The following PKD1L1 variants were observed in gnomAD, a reference collection of about 807,000 sequenced individuals.
PKD1L1 encodes polycystin 1 like 1, transient receptor potential channel interacting.
Under a neutral mutation model 323.4 loss-of-function variants are expected in PKD1L1, and 236 were observed. The ratio of observed to expected loss-of-function variants is 0.73; its 90% CI spans 0.66 to 0.81. The LOEUF is 0.81. Among genes scored for constraint, PKD1L1 ranks in the 40% least tolerant of loss-of-function variants. The pLI is 0.00. For synonymous variants in PKD1L1, 1,344 were observed against 1,335.0 expected, an observed-to-expected ratio of 1.01 and a Z score of -0.15; for missense variants, 3,320 against 3,508.0, an observed-to-expected ratio of 0.95 and a Z score of 1.35.
rs112184294 is a variant in PKD1L1, at chr7:47,893,388, G to A, written c.2453+490C>T. The stretch of plus-strand genomic sequence containing the variant: ...CGCCGGGACTCACAGCCCAGAGTCC[G>A]GAGAATGGTCTAAACAGAGAATTCC... On this transcript the variant is annotated intron_variant, in intron 15 of 56. Coordinates refer to ENST00000289672, the MANE Select transcript of PKD1L1 (RefSeq NM_138295.5). Among the ~76,000 whole-genome samples the A allele has an allele frequency of 4.6e-5, 7 of 152,248 alleles. 1 individual carries two copies. The highest frequency in any genetic ancestry group is 1.7e-4 in the African/African-American group (7 of 41,560).
At chr7:47,960,405 G>GA in the PKD1L1 span, among the ~76,000 whole-genome samples, 11 of 108,366 alleles carry the variant, frequency 1.0e-4, 1 homozygote, top group African/African-American at 2.1e-4. Context: ...CTGTAAAAAA[G>GA]AAAAAAAAAG....
chr7:47,911,005 C>A (rs553151362), intron 8 of PKD1L1, among the ~76,000 whole-genome samples: 30 of 151,672 alleles, frequency 2.0e-4, no homozygotes, highest in Non-Finnish European at 3.8e-4. Context: ...TTAGACTTAA[C>A]CCCTGATAAA....
chr7:47,819,634 T>A, intron 46 of PKD1L1: 1 of 1,217,288 alleles, frequency 8.2e-7, no homozygotes, highest in Non-Finnish European at 1.1e-6. Flanking sequence ...ACTATTACAA[T>A]GCTCAGCAGA....
In PKD1L1 at chr7:47,839,633, T is replaced by A; in HGVS notation, c.5582A>T (p.Lys1861Met). 6.3e-7 allele frequency: 1 copy of A among 1,577,832 alleles called. No homozygotes were observed. The highest frequency in any genetic ancestry group is 1.7e-4 in the Middle Eastern group (1 of 6,026). Residue 1861 changes from lysine (K) to methionine (M), a missense_variant, in exon 36 of 57, where the codon AAG becomes ATG. Physicochemically the swap from Lys to Met is moderately conservative, Grantham distance 95 (BLOSUM62 -1). Coordinates refer to ENST00000289672, the MANE Select transcript of PKD1L1 (RefSeq NM_138295.5). The surrounding 1 kb of genome is among the most constrained non-coding windows in gnomAD (Gnocchi z 4.3). ...ACGGCTGTCGTGCCAGAGGCGGATC[T>A]TCCTCAGCAGGCCCAGTTGGGCAGG... ...SAPAQLGLLR[K>M]IRLWHDSRGP...
chr7:47,919,128 A>G (rs141966998), intron 7 of PKD1L1, among the ~76,000 whole-genome samples: 618 of 152,316 alleles, frequency 4.1e-3, no homozygotes, highest in African/African-American at 0.014. Flanking sequence ...ACCATTAGCA[A>G]GATTAACCAA....
At chr7:47,858,395 T>C (rs1378076743) in intron 27 of PKD1L1, among the ~76,000 whole-genome samples, 1 of 152,178 alleles carries the variant, frequency 6.6e-6, no homozygotes, top group Admixed American at 6.5e-5. Context: ...AAATAATGTT[T>C]CTGAGTCAAA....
intron 2 of PKD1L1, among the ~76,000 whole-genome samples, chr7:47,941,412 T>A (rs1787983765): frequency 6.6e-6 from 1 of 152,218 alleles, no homozygotes; most frequent in African/African-American, 2.4e-5. Flanking sequence ...ACCCCAGCAG[T>A]GGTGCTGGCA....
At chr7:47,932,399 G>C (rs1423469831) in intron 4 of PKD1L1, among the ~76,000 whole-genome samples, 1 of 152,226 alleles carries the variant, frequency 6.6e-6, no homozygotes, top group East Asian at 1.9e-4. Flanking sequence ...GTGGGGCCTG[G>C]ACTTGACTGG....
Position 47,893,942 on chromosome 7 carries a change from A to C in PKD1L1, c.2389T>G (p.Ser797Ala). The change falls in exon 15 of 57, where the codon TCA becomes GCA. Residue 797 changes from serine (S) to alanine (A), a missense_variant. Transcript: ENST00000289672. ...GTCCCTCTGAGGACAATGGGGGATG[A>C]GGTGGTCCTGGAGAAGAATAGGTGT... ...GTHLFFSRTTSSPIVLRGTQS... is the reference protein window; with the variant it reads ...GTHLFFSRTTASPIVLRGTQS... 1 of 1,614,052 alleles carries C rather than the reference A, an allele frequency of 6.2e-7. No homozygotes were observed. The highest frequency in any genetic ancestry group is 8.5e-7 in the Non-Finnish European group (1 of 1,180,008).
Position 47,931,085 on chromosome 7 carries a change from C to T in PKD1L1, c.737+19G>A. On this transcript the variant is annotated intron_variant, in intron 6 of 56. Coordinates refer to ENST00000289672, the MANE Select transcript of PKD1L1 (RefSeq NM_138295.5). ...GGATTGGAGAAGTGGTGCTGGCCTC[C>T]ATACCTCCTTCACCGTACCTTCTGG... 6.2e-7 allele frequency: 1 copy of T among 1,609,422 alleles called. No individual in the cohort carries two copies. The highest frequency in any genetic ancestry group is 1.1e-5 in the South Asian group (1 of 90,688).
chr7:47,899,555 G>A (rs952106212), intron 13 of PKD1L1, among the ~76,000 whole-genome samples: 10 of 152,054 alleles, frequency 6.6e-5, no homozygotes, highest in African/African-American at 2.4e-4. Context: ...CCAGGCTAGG[G>A]GGCCTCAGGA....
At chr7:47,890,497 A>C in intron 16 of PKD1L1, 45 bp downstream of exon 16, 1 of 1,576,932 alleles carries the variant, frequency 6.3e-7, no homozygotes, top group Non-Finnish European at 8.7e-7. Flanking sequence ...CCAGGTGGGA[A>C]CAAACACCGG....
chr7:47,931,297 C>A lies in PKD1L1; in HGVS notation c.544G>T (p.Ala182Ser). 1 of 1,614,240 alleles carries A rather than the reference C, an allele frequency of 6.2e-7. No individual in the cohort carries two copies. The highest frequency in any genetic ancestry group is 8.5e-7 in the Non-Finnish European group (1 of 1,180,046). Residue 182 changes from alanine to serine, a missense_variant, in exon 6 of 57, where the codon GCT (alanine) becomes TCT (serine). Ala to Ser is a moderately conservative substitution (Grantham distance 99). Coordinates refer to ENST00000289672, the MANE Select transcript of PKD1L1 (RefSeq NM_138295.5). ...GCCTCCATCTTCAGGCTGCAGGGAG[C>A]TGCTGCAGAAGTGGTGCCCTGGAGC... ...LQLQGTTSAA[A>S]PCSLKMEASC...
intron 17 of PKD1L1, among the ~76,000 whole-genome samples, 186 bp downstream of exon 17, chr7:47,887,804 T>C (rs1277295510): frequency 6.6e-6 from 1 of 152,156 alleles, no homozygotes; most frequent in African/African-American, 2.4e-5. Context: ...CCTCTTCTGC[T>C]GGTGCCTCAC....
At chr7:47,844,067 G>A (rs1785615526) in intron 33 of PKD1L1, among the ~76,000 whole-genome samples, 1 of 152,112 alleles carries the variant, frequency 6.6e-6, no homozygotes. Flanking sequence ...TAGAACTTCA[G>A]GTGTTGCCTC....
chr7:47,940,249 C>T lies in PKD1L1; in HGVS notation c.229G>A (p.Gly77Arg). The T allele has an allele frequency of 6.2e-7, 1 of 1,614,094 alleles. No individual in the cohort carries two copies. The change falls in exon 3 of 57, where the codon GGA becomes AGA. Residue 77 changes from glycine to arginine, a missense_variant. Gly to Arg is a moderately radical substitution (Grantham distance 125). Transcript: ENST00000289672. ...TGTGATTCCCGGTCTTCTGCCTTTCCATTCAGAGCACACCAAGGACAGCCA... is the reference window on the plus strand; with the variant it reads ...TGTGATTCCCGGTCTTCTGCCTTTCTATTCAGAGCACACCAAGGACAGCCA... Reference protein sequence around the residue: ...KCGCPWCALNGKAEDRESQSP... With the variant: ...KCGCPWCALNRKAEDRESQSP...
intron 45 of PKD1L1, 35 bp downstream of exon 45, chr7:47,827,315 T>G (rs201189014): frequency 2.0e-6 from 3 of 1,519,496 alleles, no homozygotes; most frequent in Non-Finnish European, 2.7e-6. Context: ...GGAGCTGGAG[T>G]GGAGCAAGCC....
chr7:47,828,470 G>T (rs542496909), intron 44 of PKD1L1, among the ~76,000 whole-genome samples: 1 of 152,144 alleles, frequency 6.6e-6, no homozygotes, highest in East Asian at 1.9e-4. Flanking sequence ...GCTGCAGGGC[G>T]GGGGGTGCAG....
chr7:47,869,342 A>G (rs1467247402), intron 24 of PKD1L1, among the ~76,000 whole-genome samples: 1 of 152,198 alleles, frequency 6.6e-6, no homozygotes, highest in Non-Finnish European at 1.5e-5. Context: ...ACACAAAACC[A>G]AGATTCAACT....
Sources: gnomAD v4.1 joint callset for allele counts (sites outside exome capture counted in the v4.1 genomes callset) on GRCh38, gnomAD v4.1.1 for gene constraint, Gnocchi (gnomAD v3.1) non-coding constraint, MANE v1.5 for transcripts, NCBI Gene and HGNC (gene_info 2026-07-23, HGNC 2026-07-21) for gene names.